The following SLC16A7 variants were observed in gnomAD, a reference collection of about 807,000 sequenced individuals.
SLC16A7 encodes monocarboxylate transporter 2.
A neutral mutation model predicts 34.9 loss-of-function variants in SLC16A7; 33 were observed. That is an observed-to-expected ratio of 0.94 (90% confidence interval 0.72 to 1.26). The LOEUF is 1.26. SLC16A7 is among the 50% of genes most tolerant of loss of function. The probability of loss-of-function intolerance (pLI) is 0.00; values close to 1 mark genes in which losing one functional copy is unlikely to be tolerated. For synonymous variants in SLC16A7, 201 were observed against 206.6 expected, an observed-to-expected ratio of 0.97 and a Z score of 0.23; for missense variants, 573 against 578.1, an observed-to-expected ratio of 0.99 and a Z score of 0.09.
At chr12:59,738,040 A>T (rs1398561120) in intron 3 of SLC16A7, among the ~76,000 whole-genome samples, 1 of 152,166 alleles carries the variant, frequency 6.6e-6, no homozygotes, top group Non-Finnish European at 1.5e-5. Context: ...ATTAAATTAT[A>T]TCCTTAAAGA....
At chr12:59,753,575 A>C (rs1348061374) in intron 3 of SLC16A7, among the ~76,000 whole-genome samples, 1 of 151,980 alleles carries the variant, frequency 6.6e-6, no homozygotes, top group Non-Finnish European at 1.5e-5. Flanking sequence ...ATATATATGC[A>C]CCCAATACAG....
In SLC16A7 at chr12:59,612,283, C is replaced by T. The variant is rs151094064; in HGVS notation, c.-130+16047C>T. ...TACAGGTGCAAAACCACGTGTAAGA[C>T]GCCAAGGCTTGGGGCTCGCCCTATC... is the stretch of plus-strand genomic sequence containing the variant. On this transcript the variant is annotated intron_variant, in intron 1 of 5. Coordinates refer to ENST00000547379, the MANE Select transcript of SLC16A7 (RefSeq NM_001270623.2). Among the ~76,000 whole-genome samples, 232 of 152,336 alleles carry T rather than the reference C, an allele frequency of 1.5e-3. 1 individual carries two copies. Among genetic ancestry groups the T allele is most frequent in the African/African-American group, 4.7e-3 (196 of 41,592 alleles).
At chr12:59,602,012 C>A (rs115919976) in intron 1 of SLC16A7, among the ~76,000 whole-genome samples, 1 of 152,114 alleles carries the variant, frequency 6.6e-6, no homozygotes. Context: ...TTGTAACAAT[C>A]AAAAATGCCT....
chr12:59,662,949 G>A (rs775001550), intron 2 of SLC16A7, among the ~76,000 whole-genome samples: 3 of 152,016 alleles, frequency 2.0e-5, no homozygotes, highest in Non-Finnish European at 4.4e-5. Flanking sequence ...CATTTAGAAA[G>A]AAAATATGTG....
At chr12:59,764,188 G>A (rs1215127239) in intron 3 of SLC16A7, 19 of 152,170 alleles carry the variant, frequency 1.2e-4, no homozygotes, top group Admixed American at 1.2e-3. Flanking sequence ...GAAAGTTTTA[G>A]AAGTTTGGAT....
intron 3 of SLC16A7, among the ~76,000 whole-genome samples, chr12:59,713,011 C>CTTTT (rs1034992783): frequency 6.6e-6 from 1 of 150,902 alleles, no homozygotes. Context: ...CTTTTCTTTT[C>CTTTT]TTTTTTTTTC....
At chr12:59,723,511 G>T (rs1157796555) in intron 3 of SLC16A7, among the ~76,000 whole-genome samples, 1 of 151,794 alleles carries the variant, frequency 6.6e-6, no homozygotes, top group African/African-American at 2.4e-5. Flanking sequence ...GAAGACAGAA[G>T]AAATAAAAGA....
intron 3 of SLC16A7, among the ~76,000 whole-genome samples, chr12:59,756,349 C>T (rs554804941): frequency 5.0e-4 from 76 of 152,170 alleles, no homozygotes; most frequent in African/African-American, 1.7e-3. Flanking sequence ...ATTTTCCCAA[C>T]CTACTCATCT....
At chr12:59,663,034 T>C (rs940949542) in intron 2 of SLC16A7, among the ~76,000 whole-genome samples, 6 of 152,048 alleles carry the variant, frequency 3.9e-5, no homozygotes, top group Admixed American at 3.9e-4. Flanking sequence ...TGTCAGTGGA[T>C]AGTATTTTTT....
intron 1 of SLC16A7, among the ~76,000 whole-genome samples, chr12:59,611,810 A>G (rs149655929): frequency 7.9e-5 from 12 of 152,318 alleles, no homozygotes; most frequent in African/African-American, 2.9e-4. Context: ...TAGTTCATTC[A>G]TTTAACCTTA....
chr12:59,668,497 T>C (rs1474068084), intron 2 of SLC16A7, among the ~76,000 whole-genome samples: 1 of 152,156 alleles, frequency 6.6e-6, no homozygotes, highest in African/African-American at 2.4e-5. Flanking sequence ...AGTCCCTTTA[T>C]TTTTTGCCAA....
chr12:59,727,019 A>G (rs536060669), intron 3 of SLC16A7, among the ~76,000 whole-genome samples: 1 of 152,036 alleles, frequency 6.6e-6, no homozygotes, highest in Non-Finnish European at 1.5e-5. Flanking sequence ...AAGGATGACA[A>G]TCAAAAGGAG....
chr12:59,760,218 C>T (rs1201449243), intron 3 of SLC16A7, among the ~76,000 whole-genome samples: 1 of 151,974 alleles, frequency 6.6e-6, no homozygotes, highest in African/African-American at 2.4e-5. Context: ...TTTATTCCCT[C>T]TAAAAATTAT....
chr12:59,686,539 C>G (rs1871177652), intron 2 of SLC16A7, among the ~76,000 whole-genome samples: 1 of 152,032 alleles, frequency 6.6e-6, no homozygotes, highest in African/African-American at 2.4e-5. Flanking sequence ...CCAACAGTCG[C>G]TTTTCCTTTC....
chr12:59,753,522 A>T (rs1879874512), intron 3 of SLC16A7, among the ~76,000 whole-genome samples: 1 of 152,184 alleles, frequency 6.6e-6, no homozygotes, highest in African/African-American at 2.4e-5. Flanking sequence ...CCATTACATA[A>T]TGGTAAAGGG....
chr12:59,599,325 A>G (rs1224028098), intron 1 of SLC16A7, among the ~76,000 whole-genome samples: 2 of 152,046 alleles, frequency 1.3e-5, no homozygotes, highest in African/African-American at 4.8e-5. Flanking sequence ...AGAACACAAT[A>G]GTTGAGGCTC....
At chr12:59,775,627 T>C (rs902715626) in intron 5 of SLC16A7, 152 bp downstream of exon 5, 1 of 614,738 alleles carries the variant, frequency 1.6e-6, no homozygotes, top group East Asian at 2.8e-5. Context: ...TTATAAACTT[T>C]AAAATTTCAT....
chr12:59,710,594 T>C (rs1874110470), intron 3 of SLC16A7, among the ~76,000 whole-genome samples: 1 of 152,210 alleles, frequency 6.6e-6, no homozygotes, highest in South Asian at 2.1e-4. Context: ...AGAACCTTTA[T>C]TGAAATCTTT....
chr12:59,673,647 A>G (rs536887408), intron 2 of SLC16A7, among the ~76,000 whole-genome samples: 2 of 152,300 alleles, frequency 1.3e-5, no homozygotes, highest in South Asian at 2.1e-4. Flanking sequence ...ACAAAGATGA[A>G]TAAAATATTG....
Sources: gnomAD v4.1 joint callset for allele counts (sites outside exome capture counted in the v4.1 genomes callset) on GRCh38, gnomAD v4.1.1 for gene constraint, MANE v1.5 for transcripts, NCBI Gene and HGNC (gene_info 2026-07-23, HGNC 2026-07-21) for gene names.